SEPTIN9: variants seen among roughly 807,000 people sequenced by gnomAD.
SEPTIN9 encodes the protein septin-9.
In SEPTIN9, 13 loss-of-function variants were observed where a neutral mutation model predicts 56.6. That is an observed-to-expected ratio of 0.23 (90% CI 0.15 to 0.37). SEPTIN9 has a LOEUF of 0.37. SEPTIN9 is among the 10% of genes least tolerant of loss of function. SEPTIN9 has a pLI of 1.00. For missense variants in SEPTIN9, 650 were observed against 823.1 expected, an observed-to-expected ratio of 0.79 and a Z score of 2.57; for synonymous variants, 332 against 334.1, an observed-to-expected ratio of 0.99 and a Z score of 0.07.
intron 3 of SEPTIN9, among the ~76,000 whole-genome samples, chr17:77,461,708 G>A (rs1212850834): frequency 1.3e-5 from 2 of 152,248 alleles, no homozygotes; most frequent in African/African-American, 4.8e-5. Context: ...ACCAATAGAA[G>A]GTGTGTACGT....
At chr17:77,304,851 C>T (rs888485774) in intron 1 of SEPTIN9, among the ~76,000 whole-genome samples, 1 of 152,098 alleles carries the variant, frequency 6.6e-6, no homozygotes, top group East Asian at 1.9e-4. Context: ...GGCTTCCAGT[C>T]GGGTGTGTGA....
intron 1 of SEPTIN9, among the ~76,000 whole-genome samples, chr17:77,286,821 C>A (rs1317394308): frequency 2.0e-5 from 3 of 152,206 alleles, no homozygotes; most frequent in Non-Finnish European, 4.4e-5. Context: ...AGTTCCTGGG[C>A]AGATCCAGCT....
chr17:77,288,063 AG>A, intron 1 of SEPTIN9: 1 of 1,063,184 alleles, frequency 9.4e-7, no homozygotes, highest in Non-Finnish European at 1.1e-6. Flanking sequence ...GTGCTGGGTT[AG>A]GGGGCACGGA....
At chr17:77,444,481 G>T (rs1038950452) in intron 3 of SEPTIN9, among the ~76,000 whole-genome samples, 1 of 151,966 alleles carries the variant, frequency 6.6e-6, no homozygotes, top group African/African-American at 2.4e-5. Context: ...GTCGGGGAGG[G>T]GGGTGTGGAG....
At chr17:77,409,079 G>T (rs74000238) in intron 3 of SEPTIN9, among the ~76,000 whole-genome samples, 10,930 of 152,092 alleles carry the variant, frequency 0.072, 1,230 homozygotes, top group African/African-American at 0.24. Flanking sequence ...CGTTCCTGCC[G>T]GGATGCCTTA....
rs775153852 is a variant in SEPTIN9 at position 77,492,744 on chromosome 17, C to T, written c.1476+28C>T. ...GAGTGGATCCACTAGGATGTTGTTC[C>T]CAGGGGACCCCCAGTTCCTGCTGAA... is the stretch of plus-strand genomic sequence containing the variant. On this transcript the variant is annotated intron_variant, in intron 9 of 11. Transcript: ENST00000427177. The surrounding 1 kb of genome is among the most constrained non-coding windows in gnomAD (Gnocchi z 5.4). The T allele has an allele frequency of 3.8e-6, 6 of 1,593,612 alleles. No individual in the cohort carries two copies. In the East Asian group the frequency reaches 1.3e-4, roughly 36 times the overall value.
intron 4 of SEPTIN9, among the ~76,000 whole-genome samples, chr17:77,485,099 T>TG (rs1555678810): frequency 9.0e-3 from 2 of 222 alleles, no homozygotes; most frequent in East Asian, 0.12. Context: ...ATGGTGGTGA[T>TG]TGTGGTGATG....
rs1037705674 is a variant in SEPTIN9, at chr17:77,435,033, C to T, written c.721+32330C>T. 1.3e-5 allele frequency among the ~76,000 whole-genome samples: 2 copies of T among 152,120 alleles called. No individual in the cohort carries two copies. Among genetic ancestry groups the T allele is most frequent in the Non-Finnish European group, 2.9e-5 (2 of 68,018 alleles). On this transcript the variant is annotated intron_variant, in intron 3 of 11. Transcript: ENST00000427177. This position sits in a 1 kb window ranked among gnomAD's most constrained non-coding sequence, Gnocchi z 4.5. ...GGTAACAAGGGCTTCCTGAGGACCC[C>T]GAGCTGTCTTAAGGGCTCTTTACCT...
chr17:77,332,891 T>C (rs1237221774), intron 2 of SEPTIN9, among the ~76,000 whole-genome samples: 1 of 152,242 alleles, frequency 6.6e-6, no homozygotes, highest in Non-Finnish European at 1.5e-5. Context: ...CCTGGCTGTT[T>C]CCATCTGGAG....
At chr17:77,488,592 G>A (rs1458723486) in intron 6 of SEPTIN9, 135 bp from the exon 7 acceptor site, 21 of 1,291,180 alleles carry the variant, frequency 1.6e-5, no homozygotes, top group South Asian at 5.3e-5. Context: ...TGGCATCTCC[G>A]CTCAGCAAGC....
chr17:77,361,701 C>G lies in SEPTIN9; in HGVS notation c.77-40358C>G, dbSNP rs556712895. Among the ~76,000 whole-genome samples the G allele has an allele frequency of 8.8e-4, 133 of 151,842 alleles. 1 individual carries two copies. In the South Asian group the frequency reaches 0.026, roughly 30 times the overall value. On this transcript the variant is annotated intron_variant, in intron 2 of 11. Coordinates refer to ENST00000427177, the MANE Select transcript of SEPTIN9 (RefSeq NM_001113491.2). ...AGGCTGGAGTGCAGTGGCGCTATCT[C>G]GGCTCACTGCAAGCTCCGCCTCCCA...
At chr17:77,384,842 A>AACACACACACACACACACACACAC (rs146495461) in intron 2 of SEPTIN9, among the ~76,000 whole-genome samples, 3 of 142,166 alleles carry the variant, frequency 2.1e-5, no homozygotes, top group African/African-American at 8.0e-5. Flanking sequence ...AACCTGTTTA[A>AACACACACACACACACACACACAC]ACACACACAC....
In SEPTIN9 at chr17:77,337,837, C is replaced by T. The variant is rs375416044; in HGVS notation, c.76+30640C>T. Among the ~76,000 whole-genome samples, 30 of 152,152 alleles carry T rather than the reference C, an allele frequency of 2.0e-4. No individual in the cohort carries two copies. The East Asian group carries it at 4.4e-3, about 23-fold the overall frequency. On this transcript the variant is annotated intron_variant, in intron 2 of 11. Transcript: ENST00000427177. ...ATACCTAGGGTTTGCTTCCAGACCT[C>T]GGCAATAAAGCAAATATTGCAATAA...
At chr17:77,333,712 C>A (rs2033444549) in intron 2 of SEPTIN9, among the ~76,000 whole-genome samples, 1 of 152,138 alleles carries the variant, frequency 6.6e-6, no homozygotes, top group Admixed American at 6.5e-5. Flanking sequence ...AGTTATATAG[C>A]TTTTATGAAT....
chr17:77,440,680 C>T (rs1424541609), intron 3 of SEPTIN9, among the ~76,000 whole-genome samples: 8 of 152,254 alleles, frequency 5.3e-5, no homozygotes, highest in Admixed American at 1.3e-4. Flanking sequence ...GAAGGTGACG[C>T]GTGATCATCC....
chr17:77,353,300 G>A (rs1337241917), intron 2 of SEPTIN9, among the ~76,000 whole-genome samples: 2 of 152,158 alleles, frequency 1.3e-5, no homozygotes, highest in Non-Finnish European at 2.9e-5. Flanking sequence ...CCAAGTAGTT[G>A]GTGGGTTGTC....
Position 77,475,383 on chromosome 17 carries a change from G to A in SEPTIN9, c.722-6761G>A. 6.9e-7 allele frequency: 1 copy of A among 1,442,892 alleles called. No individual in the cohort carries two copies. Among genetic ancestry groups the A allele is most frequent in the South Asian group, 1.5e-5 (1 of 67,072 alleles). 89.4% of individuals were successfully genotyped at this position (1,442,892 alleles called of 1,614,324 possible). A position where few individuals can be genotyped will look rare whatever the true frequency, so the allele number is the denominator to read the frequency against. On this transcript the variant is annotated intron_variant, in intron 3 of 11. Transcript: ENST00000427177. This position sits in a 1 kb window ranked among gnomAD's most constrained non-coding sequence, Gnocchi z 4.6. ...GACTTTGCAGGCACCCAGGGAGATA[G>A]GAGAGGAGGAGGGAGCAGCCCTGGC...
Position 77,317,270 on chromosome 17 carries a change from G to A in SEPTIN9, c.76+10073G>A, listed in dbSNP as rs565175174. Among the ~76,000 whole-genome samples the A allele has an allele frequency of 4.6e-5, 7 of 152,286 alleles. No homozygotes were observed. The East Asian group carries it at 1.4e-3, about 29-fold the overall frequency. On this transcript the variant is annotated intron_variant, in intron 2 of 11. Coordinates refer to ENST00000427177, the MANE Select transcript of SEPTIN9 (RefSeq NM_001113491.2). This position sits in a 1 kb window ranked among gnomAD's most constrained non-coding sequence, Gnocchi z 4.2. ...AGGCTGAAATCAGGGTGTCCACTGG[G>A]CATAGCCCTCTGGAGGCTCTAGGGC...
chr17:77,362,699 T>C (rs2034453254), intron 2 of SEPTIN9, among the ~76,000 whole-genome samples: 1 of 152,154 alleles, frequency 6.6e-6, no homozygotes, highest in Non-Finnish European at 1.5e-5. Flanking sequence ...CCTTCAGCTT[T>C]TAAAAAGGCT....
Sources: gnomAD v4.1 joint callset for allele counts (sites outside exome capture counted in the v4.1 genomes callset) on GRCh38, gnomAD v4.1.1 for gene constraint, Gnocchi (gnomAD v3.1) non-coding constraint, MANE v1.5 for transcripts, NCBI Gene and HGNC (gene_info 2026-07-23, HGNC 2026-07-21) for gene names.